Variants in AAK1 observed in about 807,000 individuals in gnomAD.
The protein encoded by AAK1 is AP2 associated kinase 1, also known as AP2-associated protein kinase 1.
AAK1 carries 37 observed loss-of-function variants against 116.0 expected under a neutral mutation model. The ratio of observed to expected loss-of-function variants is 0.32; its 90% confidence interval spans 0.25 to 0.42. The LOEUF (loss-of-function observed/expected upper bound fraction) is 0.42. Ranked by LOEUF, AAK1 falls within the 10% of genes least tolerant of loss-of-function variation. The pLI is 1.00. For missense variants in AAK1, 919 were observed against 1,170.6 expected (o/e 0.79, Z 3.14); for synonymous variants, 458 against 439.9 (o/e 1.04, Z -0.51).
chr2:69,555,241 G>A lies in AAK1; in HGVS notation c.282+1619C>T, dbSNP rs116905729. Among the ~76,000 whole-genome samples the A allele has an allele frequency of 3.0e-4, 46 of 152,344 alleles. 2 individuals carry two copies. In the East Asian group the frequency reaches 8.7e-3, roughly 29 times the overall value. On this transcript the variant is annotated intron_variant, in intron 3 of 21. Coordinates refer to ENST00000409085, the MANE Select transcript of AAK1 (RefSeq NM_014911.5). ...AATCTGGAGCTATGTGCAGGGGAGT[G>A]GAAGGCATTGGTGCCTTACAGACAG... is the stretch of plus-strand genomic sequence containing the variant.
At chr2:69,554,351 G>C (rs1242626410) in intron 3 of AAK1, among the ~76,000 whole-genome samples, 1 of 152,096 alleles carries the variant, frequency 6.6e-6, no homozygotes, top group Non-Finnish European at 1.5e-5. Context: ...GAATTAAACT[G>C]TTAAAAAGTA....
At chr2:69,584,785 C>T (rs917564030) in intron 2 of AAK1, among the ~76,000 whole-genome samples, 4 of 152,210 alleles carry the variant, frequency 2.6e-5, no homozygotes, top group Non-Finnish European at 4.4e-5. Flanking sequence ...CCTCAACCTT[C>T]AACCCCAGGC....
At position 69,459,749 on chromosome 2, in the gene AAK1, G is replaced by C. The variant is rs1574177079; in HGVS notation, c.*16120C>G. On this transcript the variant is annotated 3_prime_UTR_variant, in exon 22 of 22. Transcript: ENST00000409085. ...GGAAATGAAGTGGGAACAGGAACAA[G>C]GGAGCTAAGCCAAGAGGACTTCCAG... 1.3e-5 allele frequency: 2 copies of C among 152,200 alleles called. No individual in the cohort carries two copies. Among genetic ancestry groups the C allele is most frequent in the East Asian group, 3.8e-4 (2 of 5,198 alleles). The allele number at this position is 152,200 out of a possible 1,614,324, so 9.4% of individuals were successfully genotyped here.
intron 2 of AAK1, among the ~76,000 whole-genome samples, chr2:69,633,247 G>A (rs1411215665): frequency 6.8e-6 from 1 of 146,608 alleles, no homozygotes; most frequent in Non-Finnish European, 1.5e-5. Flanking sequence ...CAAGAAAAAA[G>A]AGAAAGAAAA....
rs778218603 is a variant in AAK1, at chr2:69,542,678, G to A, written c.392-13C>T. 26 of 1,612,916 alleles carry A rather than the reference G, an allele frequency of 1.6e-5. No individual in the cohort carries two copies. Among genetic ancestry groups the A allele is most frequent in the African/African-American group, 8.0e-5 (6 of 74,866 alleles). Reference sequence around the variant, plus strand: ...ACCACCTGGCCACCTGAGGGGGTACGTACAGGGCAAAGGAGACGTTATAAA... The same window carrying A: ...ACCACCTGGCCACCTGAGGGGGTACATACAGGGCAAAGGAGACGTTATAAA... On this transcript the variant is annotated splice_polypyrimidine_tract_variant and intron_variant, in intron 4 of 21. Transcript: ENST00000409085.
At position 69,468,093 on chromosome 2, in the gene AAK1, A is replaced by G; in HGVS notation, c.*7776T>C. ...GTACTGGTGCCAAATGGCTTTCAGA[A>G]TAGTATTTGAAGAATAAGATTTTGA... On this transcript the variant is annotated 3_prime_UTR_variant, in exon 22 of 22. Coordinates refer to ENST00000409085, the MANE Select transcript of AAK1 (RefSeq NM_014911.5). The G allele has an allele frequency of 1.0e-6, 1 of 985,418 alleles. No individual in the cohort carries two copies. The highest frequency in any genetic ancestry group is 1.2e-6 in the Non-Finnish European group (1 of 829,890). The allele number at this position is 985,418 out of a possible 1,614,324, so 61.0% of individuals were successfully genotyped here.
chr2:69,527,146 T>C (rs758770798), intron 9 of AAK1, 70 bp downstream of exon 9: 219 of 1,130,266 alleles, frequency 1.9e-4, no homozygotes, highest in Non-Finnish European at 2.5e-4. Flanking sequence ...AAACAGCTGA[T>C]TAACACCCCA....
At position 69,469,158 on chromosome 2, in the gene AAK1, T is replaced by C; in HGVS notation, c.*6711A>G. On this transcript the variant is annotated 3_prime_UTR_variant, in exon 22 of 22. Coordinates refer to ENST00000409085, the MANE Select transcript of AAK1 (RefSeq NM_014911.5). ...AGTCCCTTAACCTTTCTATTCTTGT[T>C]AGAGGAGGTACAGTGTGGCTGAGGC... The C allele has an allele frequency of 1.0e-6, 1 of 985,408 alleles. No homozygotes were observed. The highest frequency in any genetic ancestry group is 1.2e-6 in the Non-Finnish European group (1 of 829,934). The allele number at this position is 985,408 out of a possible 1,614,324, so 61.0% of individuals were successfully genotyped here.
intron 17 of AAK1, 61 bp from the exon 18 acceptor site, chr2:69,482,873 A>G: frequency 1.0e-6 from 1 of 1,003,764 alleles, no homozygotes; most frequent in Non-Finnish European, 1.5e-6. Context: ...AAGCCAGCGG[A>G]TCATTCACTA....
At chr2:69,562,962 G>T (rs1295903758) in intron 2 of AAK1, among the ~76,000 whole-genome samples, 1 of 152,032 alleles carries the variant, frequency 6.6e-6, no homozygotes, top group Non-Finnish European at 1.5e-5. Context: ...TACTCGGGAG[G>T]CTGAAGCAGG....
At chr2:69,582,615 C>G (rs1252038290) in intron 2 of AAK1, among the ~76,000 whole-genome samples, 1 of 152,148 alleles carries the variant, frequency 6.6e-6, no homozygotes, top group African/African-American at 2.4e-5. Context: ...TTCTAAATGG[C>G]TATTCAATAT....
chr2:69,471,692 T>G lies in AAK1; in HGVS notation c.*4177A>C, dbSNP rs990507330. On this transcript the variant is annotated 3_prime_UTR_variant, in exon 22 of 22. Coordinates refer to ENST00000409085, the MANE Select transcript of AAK1 (RefSeq NM_014911.5). ...ACAGAAAAACCTTATCAAGAGAGACTTTATTTTGGCCCAAGGTATCTATAG... is the reference window on the plus strand; with the variant it reads ...ACAGAAAAACCTTATCAAGAGAGACGTTATTTTGGCCCAAGGTATCTATAG... The G allele has an allele frequency of 2.0e-6, 2 of 985,244 alleles. No individual in the cohort carries two copies. The highest frequency in any genetic ancestry group is 2.3e-4 in the East Asian group (2 of 8,818). 61.0% of individuals were successfully genotyped at this position (985,244 alleles called of 1,614,324 possible).
intron 16 of AAK1, among the ~76,000 whole-genome samples, chr2:69,505,004 G>A (rs1236525644): frequency 6.6e-6 from 1 of 152,042 alleles, no homozygotes; most frequent in African/African-American, 2.4e-5. Context: ...GGAAAAGTTT[G>A]TCTCTTATGA....
chr2:69,577,427 T>G (rs1431789850), intron 2 of AAK1, among the ~76,000 whole-genome samples: 1 of 151,606 alleles, frequency 6.6e-6, no homozygotes, highest in Non-Finnish European at 1.5e-5. Context: ...GGTGCCATCC[T>G]GAGGAACTAG....
At position 69,514,630 on chromosome 2, in the gene AAK1, TTGCTGCTGC is replaced by T. The variant is rs760720018; in HGVS notation, c.1608_1616del (p.Gln544_Gln546del). On this transcript the variant is annotated inframe_deletion, in exon 13 of 22. Coordinates refer to ENST00000409085, the MANE Select transcript of AAK1 (RefSeq NM_014911.5). ...CCAGCTGTTGCTGTTGCTGTTGTTGTTGCTGCTGCTGCTGCTGCTGGTAGAAATTCTGCA... is the reference window on the plus strand; with the variant it reads ...CCAGCTGTTGCTGTTGCTGTTGTTGTTGCTGCTGCTGGTAGAAATTCTGCA... 8 of 1,144,768 alleles carry T rather than the reference TTGCTGCTGC, an allele frequency of 7.0e-6. No homozygotes were observed. Among genetic ancestry groups the T allele is most frequent in the South Asian group, 1.4e-5 (1 of 72,878 alleles). The allele number at this position is 1,144,768 out of a possible 1,614,324, so 70.9% of individuals were successfully genotyped here.
chr2:69,526,590 G>GAGCCACCATGCCCAGCCGTA (rs1477597392), intron 9 of AAK1, among the ~76,000 whole-genome samples: 1 of 152,154 alleles, frequency 6.6e-6, no homozygotes, highest in Non-Finnish European at 1.5e-5. Flanking sequence ...TTACAGACGT[G>GAGCCACCATGCCCAGCCGTA]AGCCACCATG....
At chr2:69,476,737 G>C (rs1674872607) in intron 21 of AAK1, 143 bp downstream of exon 21, 1 of 595,124 alleles carries the variant, frequency 1.7e-6, no homozygotes, top group Non-Finnish European at 3.0e-6. Flanking sequence ...TATCTCTATT[G>C]GTCCAGCCTA....
chr2:69,597,474 T>C (rs1673350941), intron 2 of AAK1: 1 of 170,410 alleles, frequency 5.9e-6, no homozygotes, highest in Admixed American at 6.0e-5. Context: ...CCCACTACAA[T>C]GTGACAGAAC....
chr2:69,526,450 A>C (rs2105013853), intron 9 of AAK1, among the ~76,000 whole-genome samples: 1 of 152,338 alleles, frequency 6.6e-6, no homozygotes, highest in African/African-American at 2.4e-5. Flanking sequence ...TAAGAAAAAT[A>C]AATCACAATA....
Sources: allele counts gnomAD v4.1 joint callset (sites outside exome capture counted in the v4.1 genomes callset), GRCh38; gene constraint gnomAD v4.1.1; transcripts MANE v1.5; gene names NCBI Gene and HGNC (gene_info 2026-07-23, HGNC 2026-07-21).